PPP3CC: variants seen among roughly 807,000 people sequenced by gnomAD.
The protein encoded by PPP3CC is serine/threonine-protein phosphatase 2B catalytic subunit gamma isoform.
Under a neutral mutation model 60.3 loss-of-function variants are expected in PPP3CC, and 35 were observed. That is an observed-to-expected ratio of 0.58 (90% CI 0.44 to 0.77). The LOEUF is 0.77. PPP3CC is among the 30% of genes least tolerant of loss of function. The pLI is 0.00. For synonymous variants in PPP3CC, 206 were observed against 224.3 expected (o/e 0.92, Z 0.73); for missense variants, 570 against 628.9 (o/e 0.91, Z 1.00).
intron 1 of PPP3CC, among the ~76,000 whole-genome samples, chr8:22,451,984 A>G (rs1040608872): frequency 2.0e-5 from 3 of 149,806 alleles, no homozygotes; most frequent in Admixed American, 1.3e-4. Context: ...AATGTTTTAT[A>G]TCTGTGAATG....
At chr8:22,531,952 C>T (rs1410614967) in intron 10 of PPP3CC, among the ~76,000 whole-genome samples, 1 of 152,216 alleles carries the variant, frequency 6.6e-6, no homozygotes, top group Admixed American at 6.5e-5. Context: ...CTACGTTTCA[C>T]AACCACAAAT....
intron 3 of PPP3CC, among the ~76,000 whole-genome samples, chr8:22,491,938 C>T (rs1357155087): frequency 6.6e-6 from 1 of 152,134 alleles, no homozygotes; most frequent in Non-Finnish European, 1.5e-5. Flanking sequence ...TCTGCTTGAA[C>T]TATCAGTTAC....
chr8:22,446,450 A>G (rs530513232), intron 1 of PPP3CC, among the ~76,000 whole-genome samples: 2 of 152,262 alleles, frequency 1.3e-5, no homozygotes, highest in Non-Finnish European at 2.9e-5. Flanking sequence ...AAGTGAAATA[A>G]TTAATTAAAG....
chr8:22,473,469 T>C (rs544797647), intron 1 of PPP3CC, among the ~76,000 whole-genome samples: 45 of 31,998 alleles, frequency 1.4e-3, no homozygotes, highest in African/African-American at 7.3e-3. Context: ...CCTTATCCAC[T>C]TTTTTTTTTT....
rs902426088 is a variant in PPP3CC, at chr8:22,458,043, A to T, written c.49+16585A>T. Reference sequence around the variant, plus strand: ...GAGGCAGAGGATGCAGTGAGCCGAGATCGTGCCATTGCACTCCAGCCTGGG... The same window carrying T: ...GAGGCAGAGGATGCAGTGAGCCGAGTTCGTGCCATTGCACTCCAGCCTGGG... On this transcript the variant is annotated intron_variant, in intron 1 of 13. Transcript: ENST00000240139. Among the ~76,000 whole-genome samples, 5 of 152,174 alleles carry T rather than the reference A, an allele frequency of 3.3e-5. No individual in the cohort carries two copies. The South Asian group carries it at 1.0e-3, about 32-fold the overall frequency.
chr8:22,462,188 A>C (rs1490061751), intron 1 of PPP3CC, among the ~76,000 whole-genome samples: 4 of 152,088 alleles, frequency 2.6e-5, no homozygotes, highest in Non-Finnish European at 5.9e-5. Context: ...GACTGCAGTG[A>C]GCTATGATCA....
At position 22,540,972 on chromosome 8, in the gene PPP3CC, T is replaced by G; in HGVS notation, c.*170T>G. Reference sequence around the variant, plus strand: ...TGGCTGTTTTATAAATTCTTTTAATTTATGTTCAATATATATAAAAAGTGC... The same window carrying G: ...TGGCTGTTTTATAAATTCTTTTAATGTATGTTCAATATATATAAAAAGTGC... On this transcript the variant is annotated 3_prime_UTR_variant, in exon 14 of 14. Transcript: ENST00000240139. The G allele has an allele frequency of 1.9e-6, 1 of 529,486 alleles. No homozygotes were observed. Among genetic ancestry groups the G allele is most frequent in the Non-Finnish European group, 3.0e-6 (1 of 330,264 alleles). The allele number at this position is 529,486 out of a possible 1,614,324, so 32.8% of individuals were successfully genotyped here.
At chr8:22,498,765 A>G (rs932123363) in intron 4 of PPP3CC, among the ~76,000 whole-genome samples, 10 of 152,206 alleles carry the variant, frequency 6.6e-5, no homozygotes, top group Non-Finnish European at 1.3e-4. Flanking sequence ...AGTAACAATC[A>G]TAGGATATTT....
intron 1 of PPP3CC, among the ~76,000 whole-genome samples, chr8:22,451,597 GT>G (rs1393234121): frequency 6.6e-6 from 1 of 152,250 alleles, no homozygotes; most frequent in East Asian, 1.9e-4. Flanking sequence ...ATAACCCAAA[GT>G]TTTTTCAGTG....
intron 10 of PPP3CC, among the ~76,000 whole-genome samples, chr8:22,529,435 T>C (rs1839643251): frequency 6.6e-6 from 1 of 152,200 alleles, no homozygotes; most frequent in Non-Finnish European, 1.5e-5. Context: ...CAATTTTTTC[T>C]TGTGTTTGTT....
intron 1 of PPP3CC, among the ~76,000 whole-genome samples, chr8:22,470,398 C>G (rs1837686439): frequency 6.6e-6 from 1 of 151,910 alleles, no homozygotes; most frequent in Non-Finnish European, 1.5e-5. Flanking sequence ...TCTACATTTT[C>G]TATATTCAAA....
At position 22,539,492 on chromosome 8, in the gene PPP3CC, C is replaced by G. The variant is rs777212433; in HGVS notation, c.1345C>G (p.Arg449Gly). ...ETATVEAVEA[R>G]EAIRGFSLQH... ...AGCCACAGTAGAAGCGGTAGAGGCC[C>G]GGGAAGGTATGGCCATATTACTCTG... Residue 449 changes from arginine to glycine, a missense_variant, in exon 13 of 14, where the codon CGG becomes GGG. By Grantham distance (125) the Arg-to-Gly change is moderately radical. Coordinates refer to ENST00000240139, the MANE Select transcript of PPP3CC (RefSeq NM_005605.5). The G allele has an allele frequency of 1.9e-6, 3 of 1,613,844 alleles. No individual in the cohort carries two copies. The highest frequency in any genetic ancestry group is 2.2e-5 in the South Asian group (2 of 91,034).
At chr8:22,532,344 T>C in intron 11 of PPP3CC, 38 bp downstream of exon 11, 3 of 1,512,172 alleles carry the variant, frequency 2.0e-6, no homozygotes, top group Non-Finnish European at 2.7e-6. Context: ...ATTAAAGGCA[T>C]TTTGAGAGTA....
chr8:22,536,246 G>A (rs1250456246), intron 12 of PPP3CC, among the ~76,000 whole-genome samples: 1 of 152,154 alleles, frequency 6.6e-6, no homozygotes, highest in African/African-American at 2.4e-5. Context: ...AGCAGAATAT[G>A]TTCCCACCAT....
intron 8 of PPP3CC, 139 bp from the exon 9 acceptor site, chr8:22,527,253 G>A: frequency 1.1e-6 from 1 of 906,246 alleles, no homozygotes. Flanking sequence ...TTTTCCATCT[G>A]CCCTTTACCT....
chr8:22,514,162 C>T (rs1007675048), intron 6 of PPP3CC, among the ~76,000 whole-genome samples: 1 of 147,376 alleles, frequency 6.8e-6, no homozygotes, highest in Non-Finnish European at 1.5e-5. Flanking sequence ...GCAAGAGAAT[C>T]ACTTGAACCT....
At chr8:22,452,762 C>T (rs1837072720) in intron 1 of PPP3CC, among the ~76,000 whole-genome samples, 1 of 152,180 alleles carries the variant, frequency 6.6e-6, no homozygotes. Context: ...CAGTGGCAAG[C>T]ACATAGTGAG....
At chr8:22,492,588 C>G (rs923584566) in intron 3 of PPP3CC, 12 of 476,304 alleles carry the variant, frequency 2.5e-5, no homozygotes, top group Non-Finnish European at 4.2e-5. Flanking sequence ...CCTAGCCCCC[C>G]ACGTTGGCCC....
At chr8:22,441,561 T>A in intron 1 of PPP3CC, 103 bp downstream of exon 1, 1 of 1,289,368 alleles carries the variant, frequency 7.8e-7, no homozygotes, top group Non-Finnish European at 1.0e-6. Flanking sequence ...GCGCCCACCC[T>A]AGGAGGGCTC....
Sources: gnomAD v4.1 joint callset for allele counts (sites outside exome capture counted in the v4.1 genomes callset) on GRCh38, gnomAD v4.1.1 for gene constraint, MANE v1.5 for transcripts, NCBI Gene and HGNC (gene_info 2026-07-23, HGNC 2026-07-21) for gene names.